The following DLG1 variants were observed in gnomAD, a reference collection of about 807,000 sequenced individuals.
DLG1 encodes disks large homolog 1.
In DLG1, 42 loss-of-function variants were observed where a neutral mutation model predicts 123.4. The observed-to-expected ratio is 0.34, with a 90% CI of 0.27 to 0.44. The LOEUF (loss-of-function observed/expected upper bound fraction) is 0.44. Ranked by LOEUF, DLG1 falls within the 20% of genes least tolerant of loss-of-function variation. The probability of loss-of-function intolerance (pLI) is 1.00; values close to 1 mark genes in which losing one functional copy is unlikely to be tolerated. For missense variants in DLG1, 942 were observed against 1,082.6 expected, an observed-to-expected ratio of 0.87 and a Z score of 1.82; for synonymous variants, 317 against 356.2, an observed-to-expected ratio of 0.89 and a Z score of 1.24.
chr3:197,090,268 A>T (rs566359088), intron 15 of DLG1, among the ~76,000 whole-genome samples: 1 of 151,194 alleles, frequency 6.6e-6, no homozygotes, highest in African/African-American at 2.4e-5. Context: ...ATACAAATAC[A>T]TTCGGATTTC....
intron 3 of DLG1, among the ~76,000 whole-genome samples, chr3:197,285,660 C>T (rs1245041744): frequency 1.3e-5 from 2 of 152,036 alleles, no homozygotes; most frequent in East Asian, 1.9e-4. Flanking sequence ...TCAAATATCA[C>T]CAGGGAATTT....
rs575295550 is a variant in DLG1 at position 197,236,989 on chromosome 3, T to G, written c.319-42400A>C. Among the ~76,000 whole-genome samples, 5 of 152,198 alleles carry G rather than the reference T, an allele frequency of 3.3e-5. No homozygotes were observed. In the East Asian group the frequency reaches 9.6e-4, roughly 29 times the overall value. On this transcript the variant is annotated intron_variant, in intron 4 of 24. Transcript: ENST00000667157. ...AGGCAGTCATTTAATTGACTAAAAT[T>G]TAAGAGTGCAAAAAACAAAAACAAC...
intron 18 of DLG1, among the ~76,000 whole-genome samples, chr3:197,071,357 A>G (rs1221726149): frequency 6.6e-6 from 1 of 151,412 alleles, no homozygotes; most frequent in Non-Finnish European, 1.5e-5. Context: ...AATATATCTG[A>G]TATTTATATA....
At chr3:197,291,262 A>G (rs1774721496) in intron 3 of DLG1, among the ~76,000 whole-genome samples, 1 of 151,258 alleles carries the variant, frequency 6.6e-6, no homozygotes, top group Non-Finnish European at 1.5e-5. Context: ...GATGTGATCC[A>G]TATCCTGTTT....
chr3:197,218,888 T>C (rs1735414894), intron 4 of DLG1, among the ~76,000 whole-genome samples: 1 of 152,132 alleles, frequency 6.6e-6, no homozygotes, highest in Non-Finnish European at 1.5e-5. Flanking sequence ...GCCCAGCACT[T>C]TGGGAAGCCG....
intron 24 of DLG1, among the ~76,000 whole-genome samples, chr3:197,047,387 C>T (rs1442658918): frequency 6.6e-6 from 1 of 152,026 alleles, no homozygotes; most frequent in Non-Finnish European, 1.5e-5. Flanking sequence ...CTTGTAACTT[C>T]TATTTAAGTC....
At chr3:197,201,655 T>A (rs1317625085) in intron 4 of DLG1, among the ~76,000 whole-genome samples, 1 of 152,060 alleles carries the variant, frequency 6.6e-6, no homozygotes, top group African/African-American at 2.4e-5. Context: ...AAAACAGTGA[T>A]GAAATACATT....
intron 5 of DLG1, among the ~76,000 whole-genome samples, chr3:197,176,288 AT>A (rs1361768247): frequency 2.0e-5 from 3 of 152,046 alleles, no homozygotes; most frequent in Non-Finnish European, 2.9e-5. Flanking sequence ...TCTAATGTAC[AT>A]TTGTTACAAT....
chr3:197,175,182 T>C (rs1464244209), intron 5 of DLG1, among the ~76,000 whole-genome samples: 1 of 152,198 alleles, frequency 6.6e-6, no homozygotes, highest in East Asian at 1.9e-4. Flanking sequence ...ACCACATCAG[T>C]TGGTTTAAAG....
intron 22 of DLG1, among the ~76,000 whole-genome samples, chr3:197,064,918 C>T (rs540244859): frequency 1.8e-4 from 27 of 151,960 alleles, no homozygotes; most frequent in African/African-American, 6.3e-4. Context: ...GTGATTCTCT[C>T]AACTCAGCCT....
At chr3:197,246,356 A>C (rs1474333962) in intron 4 of DLG1, among the ~76,000 whole-genome samples, 1 of 152,148 alleles carries the variant, frequency 6.6e-6, no homozygotes, top group Non-Finnish European at 1.5e-5. Flanking sequence ...CCTGTCAGGA[A>C]ACCTGGTGTG....
At chr3:197,286,441 C>T (rs983177847) in intron 3 of DLG1, among the ~76,000 whole-genome samples, 5 of 152,172 alleles carry the variant, frequency 3.3e-5, no homozygotes, top group Non-Finnish European at 7.3e-5. Flanking sequence ...ATCCCTTGCA[C>T]GCGCAGTTCA....
intron 3 of DLG1, among the ~76,000 whole-genome samples, chr3:197,289,672 G>T (rs572887848): frequency 1.3e-5 from 2 of 152,196 alleles, no homozygotes; most frequent in Non-Finnish European, 2.9e-5. Flanking sequence ...TCAGTGAAGG[G>T]CAGATGACAT....
Position 197,065,748 on chromosome 3 carries a change from C to A in DLG1, c.2160G>T (p.Leu720Phe). Residue 720 changes from leucine (L) to phenylalanine (F), a missense_variant, in exon 21 of 25, where the codon TTG becomes TTT. By Grantham distance (22) the Leu-to-Phe change is conservative. Coordinates refer to ENST00000667157, the MANE Select transcript of DLG1 (RefSeq NM_001366207.1). ...GPMKDRINDD[L>F]ISEFPDKFGS... ...CAAATTTGTCAGGAAATTCTGAGAT[C>A]AAGTCATCATTTATCCTGTCTTTCA... is the stretch of plus-strand genomic sequence containing the variant. 6.2e-7 allele frequency: 1 copy of A among 1,612,636 alleles called. No individual in the cohort carries two copies. The highest frequency in any genetic ancestry group is 1.1e-5 in the South Asian group (1 of 90,848).
chr3:197,184,738 T>A (rs548360003), intron 5 of DLG1, among the ~76,000 whole-genome samples: 5 of 152,336 alleles, frequency 3.3e-5, no homozygotes, highest in African/African-American at 9.6e-5. Context: ...TGAGAAAGAA[T>A]TAACGCTGGT....
At chr3:197,297,362 G>C in intron 1 of DLG1, 127 bp from the exon 2 acceptor site, 1 of 1,471,570 alleles carries the variant, frequency 6.8e-7, no homozygotes, top group South Asian at 1.4e-5. Flanking sequence ...CCAAGTCAAA[G>C]AAAGAGTCTC....
rs1766717515 is a variant in DLG1, at chr3:197,106,821, C to T, written c.1444-1816G>A. ...CTGAGAGAGATACTTGTATAAATAG[C>T]CTTAGAGTCACTTTTTTTCTTTTAC... is the stretch of plus-strand genomic sequence containing the variant. On this transcript the variant is annotated intron_variant, in intron 13 of 24. Coordinates refer to ENST00000667157, the MANE Select transcript of DLG1 (RefSeq NM_001366207.1). Among the ~76,000 whole-genome samples the T allele has an allele frequency of 3.9e-5, 6 of 152,126 alleles. No individual in the cohort carries two copies. The South Asian group carries it at 1.2e-3, about 32-fold the overall frequency.
intron 22 of DLG1, 139 bp downstream of exon 22, chr3:197,065,137 A>G: frequency 2.7e-6 from 2 of 730,916 alleles, no homozygotes; most frequent in South Asian, 3.9e-5. Context: ...TTCCTAAGCC[A>G]TGGAAAATTA....
At position 197,069,304 on chromosome 3, in the gene DLG1, G is replaced by A. The variant is rs764748375; in HGVS notation, c.2006-44C>T. On this transcript the variant is annotated intron_variant, in intron 18 of 24. Transcript: ENST00000667157. ...GAAAAAAAATAAAACAGTGTCATGAGTTTAAAAAGCAAATAATCAAAATGA... is the reference window on the plus strand; with the variant it reads ...GAAAAAAAATAAAACAGTGTCATGAATTTAAAAAGCAAATAATCAAAATGA... The A allele has an allele frequency of 1.5e-5, 20 of 1,366,262 alleles. No homozygotes were observed. In the South Asian group the frequency reaches 2.2e-4, roughly 15 times the overall value. 84.6% of individuals were successfully genotyped at this position (1,366,262 alleles called of 1,614,324 possible). A position where few individuals can be genotyped will look rare whatever the true frequency, so the allele number is the denominator to read the frequency against.
Sources: allele counts gnomAD v4.1 joint callset (sites outside exome capture counted in the v4.1 genomes callset), GRCh38; gene constraint gnomAD v4.1.1; transcripts MANE v1.5; gene names NCBI Gene and HGNC (gene_info 2026-07-23, HGNC 2026-07-21).